The following PARD3B variants were observed in gnomAD, a reference collection of about 807,000 sequenced individuals.
The protein encoded by PARD3B is partitioning defective 3 homolog B.
In PARD3B, 103 loss-of-function variants were observed where a neutral mutation model predicts 130.2. That is an observed-to-expected ratio of 0.79 (90% CI 0.67 to 0.93). The LOEUF is 0.93. Ranked by LOEUF, PARD3B falls within the 40% of genes least tolerant of loss-of-function variation. The pLI is 0.00. For synonymous variants in PARD3B, 583 were observed against 553.2 expected (o/e 1.05, Z -0.76); for missense variants, 1,609 against 1,499.2 (o/e 1.07, Z -1.21).
At chr2:205,203,848 A>G (rs1031673121) in intron 15 of PARD3B, among the ~76,000 whole-genome samples, 4 of 152,170 alleles carry the variant, frequency 2.6e-5, no homozygotes, top group Non-Finnish European at 5.9e-5. Flanking sequence ...AATCCAGTCT[A>G]TCCTTGATGG....
chr2:205,414,367 TA>T, intron 19 of PARD3B, among the ~76,000 whole-genome samples: 1 of 152,316 alleles, frequency 6.6e-6, no homozygotes, highest in Non-Finnish European at 1.5e-5. Flanking sequence ...AGATATTCAG[TA>T]AAGTCCTGGT....
chr2:205,361,166 T>C (rs1005534734), intron 18 of PARD3B, among the ~76,000 whole-genome samples: 3 of 152,222 alleles, frequency 2.0e-5, no homozygotes, highest in Non-Finnish European at 4.4e-5. Flanking sequence ...CTTATTAATT[T>C]ACAGTGAGAC....
chr2:205,207,525 A>T lies in PARD3B; in HGVS notation c.2140+14205A>T, dbSNP rs184034763. On this transcript the variant is annotated intron_variant, in intron 15 of 22. Coordinates refer to ENST00000406610, the MANE Select transcript of PARD3B (RefSeq NM_001302769.2). The stretch of plus-strand genomic sequence containing the variant: ...AATCAAATAGATGCGATAAAAAATG[A>T]TAAAGGGGATATCACCACCGATCCC... 6.8e-3 allele frequency among the ~76,000 whole-genome samples: 971 copies of T among 142,590 alleles called. 116 individuals carry two copies. Among genetic ancestry groups the T allele is most frequent in the African/African-American group, 0.025 (917 of 36,324 alleles). The allele number at this position is 142,590 out of a possible 152,430, so 93.5% of individuals were successfully genotyped here.
intron 2 of PARD3B, among the ~76,000 whole-genome samples, chr2:204,944,071 T>C (rs1689124595): frequency 6.6e-6 from 1 of 152,038 alleles, no homozygotes; most frequent in Non-Finnish European, 1.5e-5. Flanking sequence ...GAGAAGATAA[T>C]CTGAACACTC....
At chr2:204,714,561 T>G (rs1208146665) in intron 2 of PARD3B, among the ~76,000 whole-genome samples, 1 of 152,240 alleles carries the variant, frequency 6.6e-6, no homozygotes, top group African/African-American at 2.4e-5. Flanking sequence ...GTCAGTCGTT[T>G]CTTCCTTTCC....
rs186882701 is a variant in PARD3B, at chr2:204,931,767, T to C, written c.223-33385T>C. Among the ~76,000 whole-genome samples, 493 of 152,152 alleles carry C rather than the reference T, an allele frequency of 3.2e-3. 1 individual carries two copies. The highest frequency in any genetic ancestry group is 3.4e-3 in the Non-Finnish European group (234 of 67,954). Reference sequence around the variant, plus strand: ...AAATCCTCTTTGGGCTACAAGTTACTTTTACTTAAATCCAAACTAAGAGTG... The same window carrying C: ...AAATCCTCTTTGGGCTACAAGTTACCTTTACTTAAATCCAAACTAAGAGTG... On this transcript the variant is annotated intron_variant, in intron 2 of 22. Transcript: ENST00000406610.
chr2:205,491,518 G>T (rs904239972), intron 20 of PARD3B, among the ~76,000 whole-genome samples: 5 of 152,150 alleles, frequency 3.3e-5, no homozygotes, highest in Admixed American at 2.6e-4. Context: ...TAGCCTTGTA[G>T]CATAGTTTGA....
At chr2:205,261,913 A>T (rs888609343) in intron 16 of PARD3B, among the ~76,000 whole-genome samples, 1 of 152,162 alleles carries the variant, frequency 6.6e-6, no homozygotes, top group Non-Finnish European at 1.5e-5. Flanking sequence ...ATTCCATGTC[A>T]TGACCACACT....
intron 3 of PARD3B, among the ~76,000 whole-genome samples, chr2:205,016,415 C>T (rs1048949829): frequency 2.0e-5 from 3 of 152,144 alleles, no homozygotes; most frequent in African/African-American, 7.2e-5. Flanking sequence ...TTTCACTTAC[C>T]CAACTCTCAT....
chr2:205,398,684 A>T (rs969949304), intron 18 of PARD3B, among the ~76,000 whole-genome samples: 2 of 152,198 alleles, frequency 1.3e-5, no homozygotes, highest in Non-Finnish European at 2.9e-5. Context: ...AATATAAGCA[A>T]TGCCACCTTC....
intron 2 of PARD3B, among the ~76,000 whole-genome samples, chr2:204,745,767 C>T (rs1289728662): frequency 6.6e-6 from 1 of 151,944 alleles, no homozygotes; most frequent in African/African-American, 2.4e-5. Context: ...AAGATTGTAT[C>T]GCTATTAATA....
intron 2 of PARD3B, among the ~76,000 whole-genome samples, chr2:204,810,579 A>G (rs1033925582): frequency 1.3e-5 from 2 of 151,804 alleles, no homozygotes. Context: ...GTAATCATGT[A>G]GTTTTTGTCT....
chr2:204,666,835 G>C (rs116041001), intron 1 of PARD3B, among the ~76,000 whole-genome samples: 6 of 152,146 alleles, frequency 3.9e-5, no homozygotes, highest in African/African-American at 1.4e-4. Flanking sequence ...GTAGAAATGT[G>C]TTTGGGAGCC....
rs191726401 is a variant in PARD3B, at chr2:205,570,697, G to A, written c.3260+17294G>A. Among the ~76,000 whole-genome samples the A allele has an allele frequency of 4.1e-4, 63 of 152,290 alleles. 1 individual carries two copies. Among genetic ancestry groups the A allele is most frequent in the Admixed American group, 3.8e-3 (58 of 15,292 alleles). On this transcript the variant is annotated intron_variant, in intron 22 of 22. Coordinates refer to ENST00000406610, the MANE Select transcript of PARD3B (RefSeq NM_001302769.2). ...GCTCCCACCCATTGCACCACAATGT[G>A]AAATACAGAACCTGGTTAAGCTTTA...
intron 21 of PARD3B, among the ~76,000 whole-genome samples, chr2:205,535,177 C>CA (rs2051791243): frequency 6.6e-6 from 1 of 152,132 alleles, no homozygotes; most frequent in Non-Finnish European, 1.5e-5. Flanking sequence ...GCGAACTCTG[C>CA]ATGAATGGAA....
chr2:205,313,387 A>G (rs1435926182), intron 18 of PARD3B, among the ~76,000 whole-genome samples: 1 of 152,134 alleles, frequency 6.6e-6, no homozygotes, highest in Non-Finnish European at 1.5e-5. Flanking sequence ...TTTTGAGCAC[A>G]TGTTCATGGA....
chr2:204,848,641 G>A (rs201826737), intron 2 of PARD3B, among the ~76,000 whole-genome samples: 11 of 148,348 alleles, frequency 7.4e-5, no homozygotes, highest in Admixed American at 4.7e-4. Flanking sequence ...GTGAGACTCT[G>A]TCTATCTATC....
At chr2:205,316,693 T>C (rs2042575187) in intron 18 of PARD3B, among the ~76,000 whole-genome samples, 1 of 152,150 alleles carries the variant, frequency 6.6e-6, no homozygotes, top group African/African-American at 2.4e-5. Flanking sequence ...TTCGGATATG[T>C]GCCCTTCTCT....
Position 204,883,761 on chromosome 2 carries a change from A to G in PARD3B, c.223-81391A>G, listed in dbSNP as rs571001771. ...ACCTGGCCTATATATATTTTTTGAG[A>G]CGGAGTTTTGCTCTGTCACCCAGGC... On this transcript the variant is annotated intron_variant, in intron 2 of 22. Transcript: ENST00000406610. 9.1e-5 allele frequency among the ~76,000 whole-genome samples: 12 copies of G among 132,512 alleles called. 1 individual carries two copies. The South Asian group carries it at 2.6e-3, about 29-fold the overall frequency. 86.9% of individuals were successfully genotyped at this position (132,512 alleles called of 152,430 possible).
Sources: allele counts gnomAD v4.1 joint callset (sites outside exome capture counted in the v4.1 genomes callset), GRCh38; gene constraint gnomAD v4.1.1; transcripts MANE v1.5; gene names NCBI Gene and HGNC (gene_info 2026-07-23, HGNC 2026-07-21).